Variants in RAB37 observed in about 807,000 individuals in gnomAD.
The protein encoded by RAB37 is RAB37, member RAS oncogene family.
In RAB37, 29 loss-of-function variants were observed where a neutral mutation model predicts 33.1. The ratio of observed to expected loss-of-function variants is 0.88; its 90% confidence interval spans 0.65 to 1.20. The LOEUF is 1.20. Ranked by LOEUF, RAB37 falls within the 50% of genes most tolerant of loss-of-function variation. The probability of loss-of-function intolerance (pLI) is 0.00; values close to 1 mark genes in which losing one functional copy is unlikely to be tolerated. For missense variants in RAB37, 299 were observed against 301.1 expected (o/e 0.99, Z 0.05); for synonymous variants, 128 against 119.5 (o/e 1.07, Z -0.47).
upstream of RAB37, among the ~76,000 whole-genome samples, chr17:74,732,855 C>A (rs1271354486): frequency 5.0e-4 from 1 of 1,996 alleles, no homozygotes; most frequent in Non-Finnish European, 1.2e-3. Flanking sequence ...AGAGCCCCCC[C>A]ATCTTTCAAC....
In RAB37 at chr17:74,745,083, A is replaced by G; in HGVS notation, c.565A>G (p.Lys189Glu). ...NVELAFLAIA[K>E]ELKYRAGHQA... ...GGAGTTAGCCTTTCTGGCCATCGCC[A>G]AGTGAGAGCTGGGCAGGGAAGGGAA... is the stretch of plus-strand genomic sequence containing the variant. Residue 189 changes from lysine (K) to glutamate (E), a missense_variant and splice_region_variant, in exon 8 of 9, where the codon AAG (lysine) becomes GAG (glutamate). Lys to Glu is a moderately conservative substitution (Grantham distance 56, BLOSUM62 1). Coordinates refer to ENST00000392613, the MANE Select transcript of RAB37 (RefSeq NM_001006638.3). The surrounding 1 kb of genome is among the most constrained non-coding windows in gnomAD (Gnocchi z 4.5). 6.2e-7 allele frequency: 1 copy of G among 1,614,080 alleles called. No individual in the cohort carries two copies. The highest frequency in any genetic ancestry group is 8.5e-7 in the Non-Finnish European group (1 of 1,179,988).
rs1231563705 is a variant in RAB37, at chr17:74,742,235, C to G, written c.205-19C>G. Reference sequence around the variant, plus strand: ...CACATGACTCCTGCCCTCCCATCCTCTGCCTTTTTCTCTTTCAGAACAAGG... The same window carrying G: ...CACATGACTCCTGCCCTCCCATCCTGTGCCTTTTTCTCTTTCAGAACAAGG... On this transcript the variant is annotated intron_variant, in intron 2 of 8. Coordinates refer to ENST00000392613, the MANE Select transcript of RAB37 (RefSeq NM_001006638.3). The surrounding 1 kb of genome is among the most constrained non-coding windows in gnomAD (Gnocchi z 4.0). 8.7e-6 allele frequency: 14 copies of G among 1,612,502 alleles called. No homozygotes were observed. The highest frequency in any genetic ancestry group is 1.1e-5 in the Non-Finnish European group (13 of 1,179,126).
At chr17:74,743,443 G>A (rs577578541) in intron 5 of RAB37, 103 bp downstream of exon 5, 1 of 1,153,712 alleles carries the variant, frequency 8.7e-7, no homozygotes, top group Admixed American at 1.7e-5. Flanking sequence ...GGAGCGTGGA[G>A]TCCTCCTGCC....
chr17:74,712,013 T>G (rs1289132080), intron 1 of RAB37, among the ~76,000 whole-genome samples: 1 of 150,642 alleles, frequency 6.6e-6, no homozygotes, highest in Non-Finnish European at 1.5e-5. Context: ...CAAGTGATCC[T>G]CATGCCTCAG....
chr17:74,703,063 T>C (rs2033205036), intron 1 of RAB37: 2 of 1,613,720 alleles, frequency 1.2e-6, no homozygotes, highest in Non-Finnish European at 1.7e-6. Context: ...CCGGTCAGAG[T>C]TGGGGAGCTG....
intron 1 of RAB37, among the ~76,000 whole-genome samples, chr17:74,689,161 G>A (rs2032112807): frequency 6.6e-6 from 1 of 151,970 alleles, no homozygotes; most frequent in South Asian, 2.1e-4. Flanking sequence ...AACCAGGTGT[G>A]GGCGAGTGTG....
chr17:74,710,705 G>GAAAAAA (rs1263589772), intron 1 of RAB37, among the ~76,000 whole-genome samples: 1 of 90,604 alleles, frequency 1.1e-5, no homozygotes. Flanking sequence ...CTAAAAATAC[G>GAAAAAA]AAAAAAAAAA....
At chr17:74,702,886 G>A (rs571841977) in intron 1 of RAB37, 4 of 640,996 alleles carry the variant, frequency 6.2e-6, no homozygotes, top group Admixed American at 2.7e-5. Flanking sequence ...TGGCCTGACA[G>A]CAAGTGGGAA....
intron 1 of RAB37, among the ~76,000 whole-genome samples, chr17:74,675,202 C>G (rs1025717269): frequency 1.3e-5 from 2 of 151,994 alleles, no homozygotes; most frequent in South Asian, 2.1e-4. Flanking sequence ...TTTGGGAGGC[C>G]AAGGAGGATG....
intron 1 of RAB37, among the ~76,000 whole-genome samples, chr17:74,711,512 C>T (rs1331695847): frequency 6.6e-6 from 1 of 152,224 alleles, no homozygotes; most frequent in East Asian, 1.9e-4. Flanking sequence ...GCCTAGCAGT[C>T]CTGGACAAGT....
intron 1 of RAB37, among the ~76,000 whole-genome samples, chr17:74,697,252 G>C (rs1408977660): frequency 6.6e-6 from 1 of 152,012 alleles, no homozygotes; most frequent in African/African-American, 2.4e-5. Context: ...AGATTGGATT[G>C]GATTGTTTTT....
intron 1 of RAB37, among the ~76,000 whole-genome samples, chr17:74,727,336 G>A (rs2034318234): frequency 6.6e-6 from 1 of 152,264 alleles, no homozygotes; most frequent in Non-Finnish European, 1.5e-5. Context: ...AAATGCCTGT[G>A]AGAGAAATAG....
chr17:74,698,246 G>T, intron 1 of RAB37: 1 of 727,448 alleles, frequency 1.4e-6, no homozygotes, highest in Non-Finnish European at 2.3e-6. Context: ...CAGCTGCTGA[G>T]GGCCTTTGGG....
At chr17:74,697,660 A>G (rs1305097350) in intron 1 of RAB37, among the ~76,000 whole-genome samples, 1 of 150,866 alleles carries the variant, frequency 6.6e-6, no homozygotes, top group Non-Finnish European at 1.5e-5. Flanking sequence ...GTGAAGCCAC[A>G]TTCTCACACA....
intron 1 of RAB37, among the ~76,000 whole-genome samples, chr17:74,692,554 C>T (rs1040394664): frequency 1.9e-4 from 29 of 152,190 alleles, no homozygotes; most frequent in African/African-American, 5.3e-4. Flanking sequence ...GCTGGGTCAC[C>T]GGCCTGTGGT....
intron 1 of RAB37, among the ~76,000 whole-genome samples, chr17:74,696,643 C>G (rs980124238): frequency 2.6e-5 from 4 of 152,226 alleles, no homozygotes; most frequent in African/African-American, 7.2e-5. Flanking sequence ...GCTGTCTAAT[C>G]CCCCTCCCGG....
chr17:74,672,672 A>G (rs1261449418), intron 1 of RAB37: 1 of 152,238 alleles, frequency 6.6e-6, no homozygotes, highest in Non-Finnish European at 1.5e-5. Context: ...AGAAATTACT[A>G]CTACACGTGT....
chr17:74,744,699 G>A lies in RAB37; in HGVS notation c.433-174G>A. ...TTCCAAGACCCTTTACCAAAGGTGA[G>A]ATCCCAGAGCTGGGAGCTACACTGG... On this transcript the variant is annotated intron_variant, in intron 6 of 8. Coordinates refer to ENST00000392613, the MANE Select transcript of RAB37 (RefSeq NM_001006638.3). This position sits in a 1 kb window ranked among gnomAD's most constrained non-coding sequence, Gnocchi z 4.2. 4.1e-6 allele frequency: 3 copies of A among 734,660 alleles called. No individual in the cohort carries two copies. In the South Asian group the frequency reaches 5.1e-5, roughly 12 times the overall value. The allele number at this position is 734,660 out of a possible 1,614,324, so 45.5% of individuals were successfully genotyped here.
intron 1 of RAB37, among the ~76,000 whole-genome samples, chr17:74,710,064 C>T (rs1459775501): frequency 6.6e-6 from 1 of 152,066 alleles, no homozygotes; most frequent in Non-Finnish European, 1.5e-5. Flanking sequence ...CTGCAAGTTC[C>T]GCCTCCCGGG....
Sources: allele counts gnomAD v4.1 joint callset (sites outside exome capture counted in the v4.1 genomes callset), GRCh38; gene constraint gnomAD v4.1.1; non-coding constraint Gnocchi (gnomAD v3.1); transcripts MANE v1.5; gene names NCBI Gene and HGNC (gene_info 2026-07-23, HGNC 2026-07-21).